ZMYND11: variants seen among roughly 807,000 people sequenced by gnomAD.
ZMYND11 encodes zinc finger MYND-type containing 11.
ZMYND11 carries 9 observed loss-of-function variants against 84.9 expected under a neutral mutation model. That is an observed-to-expected ratio of 0.11 (90% CI 0.06 to 0.18). The LOEUF (loss-of-function observed/expected upper bound fraction) is 0.18. Among genes scored for constraint, ZMYND11 ranks in the 10% least tolerant of loss-of-function variants. The pLI is 1.00. For missense variants in ZMYND11, 409 were observed against 761.0 expected, an observed-to-expected ratio of 0.54 and a Z score of 5.44; for synonymous variants, 250 against 244.1, an observed-to-expected ratio of 1.02 and a Z score of -0.23.
At chr10:168,164 T>TA (rs1844454283) in intron 1 of ZMYND11, among the ~76,000 whole-genome samples, 1 of 152,138 alleles carries the variant, frequency 6.6e-6, no homozygotes, top group Non-Finnish European at 1.5e-5. Context: ...CAATACTACA[T>TA]ATGCAATAAT....
intron 4 of ZMYND11, among the ~76,000 whole-genome samples, chr10:227,449 A>G (rs1460977938): frequency 1.3e-5 from 2 of 152,208 alleles, no homozygotes; most frequent in Non-Finnish European, 2.9e-5. Flanking sequence ...CTGGAGCTTT[A>G]TCAATTGGGT....
chr10:221,718 CAGTT>C (rs920072555), intron 4 of ZMYND11, among the ~76,000 whole-genome samples: 29 of 151,974 alleles, frequency 1.9e-4, no homozygotes, highest in Middle Eastern at 3.2e-3. Context: ...ATTCAGGAAA[CAGTT>C]AGCAAAAGGC....
chr10:139,704 C>CTTTTTT (rs67915368), intron 1 of ZMYND11, among the ~76,000 whole-genome samples: 19 of 80,266 alleles, frequency 2.4e-4, no homozygotes, highest in African/African-American at 6.8e-4. Context: ...ACACATGGTC[C>CTTTTTT]TTTTTTTTTT....
intron 1 of ZMYND11, among the ~76,000 whole-genome samples, chr10:143,849 C>T (rs1191539289): frequency 6.6e-6 from 1 of 152,048 alleles, no homozygotes; most frequent in Non-Finnish European, 1.5e-5. Flanking sequence ...TAAGAAACTG[C>T]CATTTGAGGC....
In ZMYND11 at chr10:160,613, A is replaced by G. The variant is rs12241734; in HGVS notation, c.-19-19381A>G. Reference sequence around the variant, plus strand: ...TCAAAATTGGAGTCACTCGTCTCCAACCCTACTGCTGCTTTATCAACTAAG... The same window carrying G: ...TCAAAATTGGAGTCACTCGTCTCCAGCCCTACTGCTGCTTTATCAACTAAG... On this transcript the variant is annotated intron_variant, in intron 1 of 14. Transcript: ENST00000381604. Among the ~76,000 whole-genome samples, 1,419 of 152,112 alleles carry G rather than the reference A, an allele frequency of 9.3e-3. 27 individuals are homozygous for G. Among genetic ancestry groups the G allele is most frequent in the African/African-American group, 0.031 (1,283 of 41,486 alleles).
intron 2 of ZMYND11, among the ~76,000 whole-genome samples, chr10:209,309 G>A (rs76133258): frequency 3.2e-3 from 481 of 152,172 alleles, no homozygotes; most frequent in Middle Eastern, 0.031. Flanking sequence ...GAATGTTTGC[G>A]TGCTTCAGTG....
At chr10:239,342 G>C (rs752787669) in intron 6 of ZMYND11, 96 bp from the exon 7 acceptor site, 12 of 975,248 alleles carry the variant, frequency 1.2e-5, no homozygotes, top group Non-Finnish European at 1.9e-5. Context: ...TCATCCTGAT[G>C]TCATCCTAGA....
At chr10:154,906 G>A (rs1413076384) in intron 1 of ZMYND11, 7 of 152,098 alleles carry the variant, frequency 4.6e-5, no homozygotes, top group African/African-American at 7.2e-5. Flanking sequence ...CCAAGATCAG[G>A]TGAGATCAGG....
At chr10:215,060 G>T (rs1429328021) in intron 3 of ZMYND11, among the ~76,000 whole-genome samples, 1 of 152,186 alleles carries the variant, frequency 6.6e-6, no homozygotes, top group Admixed American at 6.5e-5. Context: ...TTGCAATTGA[G>T]GCGGTTAGTG....
intron 11 of ZMYND11, 99 bp downstream of exon 11, chr10:247,072 C>A: frequency 1.6e-6 from 2 of 1,246,362 alleles, no homozygotes; most frequent in Non-Finnish European, 2.3e-6. Flanking sequence ...TTTTGACGTT[C>A]TCCTTCCCTT....
rs189018909 is a variant in ZMYND11, at chr10:243,492, C to G, written c.950+1353C>G. Among the ~76,000 whole-genome samples, 28 of 152,262 alleles carry G rather than the reference C, an allele frequency of 1.8e-4. No homozygotes were observed. The East Asian group carries it at 4.8e-3, about 26-fold the overall frequency. The stretch of plus-strand genomic sequence containing the variant: ...CAACTTGCAAGTAGCTTTATACTGT[C>G]TTCAACCATGAGTGATATTAATAAT... On this transcript the variant is annotated intron_variant, in intron 10 of 14. Coordinates refer to ENST00000381604, the MANE Select transcript of ZMYND11 (RefSeq NM_001370100.5).
intron 3 of ZMYND11, among the ~76,000 whole-genome samples, chr10:215,558 T>C (rs1946059807): frequency 6.6e-6 from 1 of 151,718 alleles, no homozygotes; most frequent in South Asian, 2.1e-4. Context: ...ATCTTTGTTT[T>C]TTGTTTTTTT....
Position 135,537 on chromosome 10 carries a change from G to T in ZMYND11, c.-42G>T. ...GAGGGCCGGGCGCGGCGGCGGCGGC[G>T]GTGGAGGAGCCGGAGCATAATGGTG... On this transcript the variant is annotated 5_prime_UTR_variant, in exon 1 of 15. Coordinates refer to ENST00000381604, the MANE Select transcript of ZMYND11 (RefSeq NM_001370100.5). This position sits in a 1 kb window ranked among gnomAD's most constrained non-coding sequence, Gnocchi z 5.6. 1 of 153,916 alleles carries T rather than the reference G, an allele frequency of 6.5e-6. No individual in the cohort carries two copies. The highest frequency in any genetic ancestry group is 1.4e-5 in the Non-Finnish European group (1 of 70,002). The allele number at this position is 153,916 out of a possible 1,614,324, so 9.5% of individuals were successfully genotyped here. A position where few individuals can be genotyped will look rare whatever the true frequency, so the allele number is the denominator to read the frequency against.
chr10:223,788 G>C (rs1947584150), intron 4 of ZMYND11, among the ~76,000 whole-genome samples: 1 of 152,092 alleles, frequency 6.6e-6, no homozygotes, highest in Admixed American at 6.6e-5. Context: ...TGAAGTTATT[G>C]GTTGATTTGT....
chr10:222,400 A>T (rs1041554430), intron 4 of ZMYND11, among the ~76,000 whole-genome samples: 2 of 152,136 alleles, frequency 1.3e-5, no homozygotes, highest in African/African-American at 4.8e-5. Flanking sequence ...ATAGCATTTT[A>T]AAAAATGTTT....
chr10:199,674 C>A (rs1942663987), intron 2 of ZMYND11, among the ~76,000 whole-genome samples: 1 of 152,018 alleles, frequency 6.6e-6, no homozygotes, highest in African/African-American at 2.4e-5. Flanking sequence ...CTAAAGTGAC[C>A]CTCCTGTCTC....
chr10:177,815 C>T (rs1448623963), intron 1 of ZMYND11, among the ~76,000 whole-genome samples: 1 of 151,944 alleles, frequency 6.6e-6, no homozygotes, highest in Non-Finnish European at 1.5e-5. Context: ...AATATGCATC[C>T]TTAATTTACA....
At chr10:167,010 A>G (rs1277937395) in intron 1 of ZMYND11, among the ~76,000 whole-genome samples, 7 of 152,194 alleles carry the variant, frequency 4.6e-5, no homozygotes, top group African/African-American at 9.6e-5. Context: ...CAAATACTGT[A>G]TGATTCCACT....
chr10:175,299 T>TA (rs1286962827), intron 1 of ZMYND11, among the ~76,000 whole-genome samples: 8 of 152,134 alleles, frequency 5.3e-5, no homozygotes, highest in African/African-American at 1.9e-4. Context: ...ATCATAATTT[T>TA]AAAAAAGTAA....
Sources: gnomAD v4.1 joint callset for allele counts (sites outside exome capture counted in the v4.1 genomes callset) on GRCh38, gnomAD v4.1.1 for gene constraint, Gnocchi (gnomAD v3.1) non-coding constraint, MANE v1.5 for transcripts, NCBI Gene and HGNC (gene_info 2026-07-23, HGNC 2026-07-21) for gene names.